WWOX: variants seen among roughly 807,000 people sequenced by gnomAD.
WWOX encodes the protein WW domain-containing oxidoreductase.
WWOX carries 69 observed loss-of-function variants against 46.2 expected under a neutral mutation model. The ratio of observed to expected loss-of-function variants is 1.49; its 90% CI spans 1.23 to 1.82. The LOEUF is 1.82. Ranked by LOEUF, WWOX falls within the 40% of genes most tolerant of loss-of-function variation. The pLI is 0.00. For missense variants in WWOX, 919 were observed against 542.6 expected (o/e 1.69, Z -6.89); for synonymous variants, 359 against 202.6 (o/e 1.77, Z -6.56).
chr16:79,094,838 T>C (rs1343317084), intron 8 of WWOX, among the ~76,000 whole-genome samples: 4 of 152,108 alleles, frequency 2.6e-5, no homozygotes, highest in Non-Finnish European at 4.4e-5. Context: ...GAGCCCAATA[T>C]TTATTGAGCC....
intron 8 of WWOX, among the ~76,000 whole-genome samples, chr16:78,710,020 C>T (rs561388750): frequency 3.9e-5 from 6 of 152,228 alleles, no homozygotes; most frequent in East Asian, 1.9e-4. Flanking sequence ...CGTCAGCCAC[C>T]GCCCCCGGCC....
intron 8 of WWOX, among the ~76,000 whole-genome samples, chr16:78,758,991 G>A (rs573983007): frequency 6.6e-6 from 1 of 151,346 alleles, no homozygotes; most frequent in Admixed American, 6.6e-5. Flanking sequence ...CATATTTTAG[G>A]TGTGTTTAAT....
At chr16:78,679,661 G>C (rs191760434) in intron 8 of WWOX, among the ~76,000 whole-genome samples, 205 of 152,288 alleles carry the variant, frequency 1.3e-3, no homozygotes, top group Admixed American at 3.9e-3. Flanking sequence ...CTGTTTCCTT[G>C]CCAGGAGAAG....
intron 8 of WWOX, among the ~76,000 whole-genome samples, chr16:78,680,050 C>G (rs1423160884): frequency 3.9e-5 from 6 of 152,194 alleles, no homozygotes; most frequent in Non-Finnish European, 5.9e-5. Flanking sequence ...CCTCAGTTTT[C>G]TCATCTGTAA....
intron 7 of WWOX, among the ~76,000 whole-genome samples, chr16:78,428,250 C>G (rs1030738245): frequency 2.0e-5 from 3 of 152,196 alleles, no homozygotes; most frequent in African/African-American, 4.8e-5. Flanking sequence ...AGTTTGTCAA[C>G]TTGAAAATAG....
intron 8 of WWOX, among the ~76,000 whole-genome samples, chr16:78,454,672 A>ATT (rs146012911): frequency 1.1e-4 from 17 of 151,448 alleles, no homozygotes; most frequent in African/African-American, 2.4e-4. Context: ...TACCTGGGGA[A>ATT]TTTTTTTTTG....
At chr16:78,843,795 T>C (rs2052224940) in intron 8 of WWOX, among the ~76,000 whole-genome samples, 1 of 152,214 alleles carries the variant, frequency 6.6e-6, no homozygotes, top group African/African-American at 2.4e-5. Context: ...TTATGTTTTT[T>C]AAAATAAGTT....
intron 8 of WWOX, among the ~76,000 whole-genome samples, chr16:78,493,296 C>G (rs74755875): frequency 6.6e-6 from 1 of 152,168 alleles, no homozygotes; most frequent in Non-Finnish European, 1.5e-5. Flanking sequence ...TTATTTAAGA[C>G]AGGTGGCTAG....
chr16:79,115,108 A>G (rs2049489357), intron 8 of WWOX, among the ~76,000 whole-genome samples: 1 of 151,928 alleles, frequency 6.6e-6, no homozygotes. Flanking sequence ...GCCGCCTCCC[A>G]CCCTGTGCTG....
intron 8 of WWOX, among the ~76,000 whole-genome samples, chr16:78,961,130 C>T (rs1004894609): frequency 6.6e-6 from 1 of 152,146 alleles, no homozygotes. Context: ...TCAAGCCAAG[C>T]ATTCAATGGT....
chr16:79,020,531 A>T (rs1371800433), intron 8 of WWOX, among the ~76,000 whole-genome samples: 3 of 152,224 alleles, frequency 2.0e-5, no homozygotes, highest in Admixed American at 6.5e-5. Flanking sequence ...ATGAAAAGAC[A>T]GGCTAGCACA....
At chr16:78,766,662 T>G (rs1353973610) in intron 8 of WWOX, among the ~76,000 whole-genome samples, 1 of 152,210 alleles carries the variant, frequency 6.6e-6, no homozygotes, top group African/African-American at 2.4e-5. Context: ...AGACAAGGAA[T>G]TCAGTTAATC....
chr16:78,109,868 T>C, intron 3 of WWOX, 33 bp downstream of exon 3: 1 of 1,613,356 alleles, frequency 6.2e-7, no homozygotes, highest in South Asian at 1.1e-5. Flanking sequence ...CTCTCAGCTG[T>C]TTTGCTTTTT....
At chr16:79,166,846 C>G (rs1372732207) in intron 8 of WWOX, among the ~76,000 whole-genome samples, 1 of 152,122 alleles carries the variant, frequency 6.6e-6, no homozygotes, top group Non-Finnish European at 1.5e-5. Flanking sequence ...AACTATTTTT[C>G]CATGTATTAA....
intron 8 of WWOX, among the ~76,000 whole-genome samples, chr16:79,131,887 C>T (rs1468608049): frequency 3.9e-5 from 6 of 152,102 alleles, no homozygotes; most frequent in Admixed American, 6.6e-5. Flanking sequence ...ACGTCTTACA[C>T]GGATGGCAGC....
Position 78,937,601 on chromosome 16 carries a change from C to CTTCATTTATTTA in WWOX, c.1057-274005_1057-274004insCATTTATTTATT, listed in dbSNP as rs1555572427. On this transcript the variant is annotated intron_variant, in intron 8 of 8. Coordinates refer to ENST00000566780, the MANE Select transcript of WWOX (RefSeq NM_016373.4). The stretch of plus-strand genomic sequence containing the variant: ...TCTGCCACCGTGCCCAGCTATAGAG[C>CTTCATTTATTTA]TTTATTTATTTATTTATTTATTTAT... Among the ~76,000 whole-genome samples the CTTCATTTATTTA allele has an allele frequency of 8.0e-4, 114 of 142,620 alleles. 2 individuals are homozygous for CTTCATTTATTTA. The highest frequency in any genetic ancestry group is 1.9e-3 in the African/African-American group (72 of 38,290). The allele number at this position is 142,620 out of a possible 152,430, so 93.6% of individuals were successfully genotyped here.
chr16:78,986,461 G>T (rs1350818899), intron 8 of WWOX, among the ~76,000 whole-genome samples: 1 of 152,184 alleles, frequency 6.6e-6, no homozygotes, highest in Non-Finnish European at 1.5e-5. Flanking sequence ...GTAGGTTGGG[G>T]CTGTGCTGAT....
intron 8 of WWOX, among the ~76,000 whole-genome samples, chr16:78,758,001 A>G (rs1204519036): frequency 1.3e-5 from 2 of 152,106 alleles, no homozygotes; most frequent in Non-Finnish European, 2.9e-5. Flanking sequence ...ATCAGCCAGG[A>G]TGCTCTTTTT....
intron 5 of WWOX, among the ~76,000 whole-genome samples, chr16:78,382,354 C>T (rs186347849): frequency 6.0e-4 from 91 of 152,288 alleles, no homozygotes; most frequent in African/African-American, 1.9e-3. Flanking sequence ...TTCCACATGC[C>T]GTAGAGGCTG....
Sources: allele counts gnomAD v4.1 joint callset (sites outside exome capture counted in the v4.1 genomes callset), GRCh38; gene constraint gnomAD v4.1.1; transcripts MANE v1.5; gene names NCBI Gene and HGNC (gene_info 2026-07-23, HGNC 2026-07-21).